The following CACNA1E variants were observed in gnomAD, a reference collection of about 807,000 sequenced individuals.
CACNA1E encodes calcium voltage-gated channel subunit alpha1 E, also known as voltage-dependent R-type calcium channel subunit alpha-1E.
Under a neutral mutation model 259.2 loss-of-function variants are expected in CACNA1E, and 40 were observed. The observed-to-expected ratio is 0.15, with a 90% confidence interval of 0.12 to 0.20. The LOEUF (loss-of-function observed/expected upper bound fraction) is 0.20, where lower values mean the gene tolerates loss of function less well. CACNA1E is among the 10% of genes least tolerant of loss of function. The probability of loss-of-function intolerance (pLI) is 1.00; values close to 1 mark genes in which losing one functional copy is unlikely to be tolerated. For missense variants in CACNA1E, 1,874 were observed against 3,040.1 expected (o/e 0.62, Z 9.02); for synonymous variants, 1,104 against 1,138.5 (o/e 0.97, Z 0.61).
chr1:181,751,176 A>G (rs2102658769), intron 26 of CACNA1E, among the ~76,000 whole-genome samples: 1 of 152,386 alleles, frequency 6.6e-6, no homozygotes, highest in East Asian at 1.9e-4. Flanking sequence ...TGTTTTATAA[A>G]TGACAACTAT....
intron 2 of CACNA1E, among the ~76,000 whole-genome samples, chr1:181,475,272 C>T (rs1395173837): frequency 3.3e-5 from 5 of 152,140 alleles, no homozygotes; most frequent in African/African-American, 1.2e-4. Flanking sequence ...AAGCTTACAC[C>T]ATAGTTGAGG....
intron 2 of CACNA1E, among the ~76,000 whole-genome samples, chr1:181,456,167 A>T (rs1473244504): frequency 6.6e-6 from 1 of 152,178 alleles, no homozygotes; most frequent in African/African-American, 2.4e-5. Context: ...GAGAGACTGC[A>T]TCATTGCTGA....
At position 181,798,556 on chromosome 1, in the gene CACNA1E, G is replaced by T. The variant is rs369634310; in HGVS notation, c.6664G>T (p.Ala2222Ser). Residue 2222 changes from alanine to serine, a missense_variant, in exon 48 of 48, where the codon GCC (alanine) becomes TCC (serine). This residue lies in a region of CACNA1E where 542 missense variants were observed against 587.2 expected (regional missense o/e 0.92). Coordinates refer to ENST00000367573, the MANE Select transcript of CACNA1E (RefSeq NM_001205293.3). This position sits in a 1 kb window ranked among gnomAD's most constrained non-coding sequence, Gnocchi z 4.2. ...NSPHPQQSQHASPQRYISEPY... is the reference protein window; with the variant it reads ...NSPHPQQSQHSSPQRYISEPY... ...TCCGCACCCCCAGCAGAGCCAACATGCCTCCCCACAGCGCTACATCTCCGA... is the reference window on the plus strand; with the variant it reads ...TCCGCACCCCCAGCAGAGCCAACATTCCTCCCCACAGCGCTACATCTCCGA... The T allele has an allele frequency of 3.7e-6, 6 of 1,613,646 alleles. No homozygotes were observed. The African/African-American group carries it at 8.0e-5, about 22-fold the overall frequency.
At position 181,733,123 on chromosome 1, in the gene CACNA1E, TCTC is replaced by T. The variant is rs1655673851; in HGVS notation, c.2948+92_2948+94del. 24 of 1,428,444 alleles carry T rather than the reference TCTC, an allele frequency of 1.7e-5. No individual in the cohort carries two copies. The South Asian group carries it at 2.1e-4, about 13-fold the overall frequency. The allele number at this position is 1,428,444 out of a possible 1,614,324, so 88.5% of individuals were successfully genotyped here. A position where few individuals can be genotyped will look rare whatever the true frequency, so the allele number is the denominator to read the frequency against. Reference sequence around the variant, plus strand: ...TAAGCCTTTCTGAGCTCCAGTTTCTTCTCCTATTATAAAATGGAAATGATGCTG... The same window carrying T: ...TAAGCCTTTCTGAGCTCCAGTTTCTTCTATTATAAAATGGAAATGATGCTG... On this transcript the variant is annotated intron_variant, in intron 20 of 47. Transcript: ENST00000367573.
chr1:181,326,066 A>G (rs754237078), intron 1 of CACNA1E, among the ~76,000 whole-genome samples: 4 of 152,234 alleles, frequency 2.6e-5, no homozygotes, highest in African/African-American at 4.8e-5. Flanking sequence ...GTCCACACCC[A>G]GGCCGCTGCC....
intron 1 of CACNA1E, among the ~76,000 whole-genome samples, chr1:181,502,068 G>A (rs1325763546): frequency 6.6e-6 from 1 of 152,084 alleles, no homozygotes; most frequent in Non-Finnish European, 1.5e-5. Context: ...TGTTGACAGT[G>A]CATGTCTCCT....
intron 2 of CACNA1E, among the ~76,000 whole-genome samples, chr1:181,431,956 T>C (rs1173032377): frequency 1.3e-5 from 2 of 152,174 alleles, no homozygotes; most frequent in Non-Finnish European, 2.9e-5. Context: ...GGGGCACTTC[T>C]CTGATGTCAA....
intron 2 of CACNA1E, among the ~76,000 whole-genome samples, chr1:181,435,236 A>C (rs1263375912): frequency 6.6e-6 from 1 of 152,228 alleles, no homozygotes; most frequent in Non-Finnish European, 1.5e-5. Context: ...TAGGTTTTAA[A>C]AAATTCTCTT....
intron 34 of CACNA1E, 21 bp downstream of exon 34, chr1:181,763,552 C>T (rs751094571): frequency 1.3e-6 from 2 of 1,540,780 alleles, no homozygotes; most frequent in Admixed American, 1.8e-5. Flanking sequence ...CCAGCAAATC[C>T]TCTCTGAGGG....
At chr1:181,618,419 G>T (rs1263446099) in intron 6 of CACNA1E, among the ~76,000 whole-genome samples, 1 of 152,186 alleles carries the variant, frequency 6.6e-6, no homozygotes, top group Non-Finnish European at 1.5e-5. Context: ...TACAAAATTA[G>T]CTGGGCATGG....
At chr1:181,616,743 A>G (rs1240228591) in intron 6 of CACNA1E, among the ~76,000 whole-genome samples, 1 of 152,120 alleles carries the variant, frequency 6.6e-6, no homozygotes, top group Non-Finnish European at 1.5e-5. Context: ...ACAAACAAAA[A>G]AAAAGGAGGT....
chr1:181,318,231 C>G (rs976744712), intron 1 of CACNA1E: 12 of 152,154 alleles, frequency 7.9e-5, no homozygotes, highest in African/African-American at 2.7e-4. Flanking sequence ...CTGGCCCCCG[C>G]GCTTCTACGT....
chr1:181,444,040 C>T (rs920209534), intron 2 of CACNA1E, among the ~76,000 whole-genome samples: 1 of 152,212 alleles, frequency 6.6e-6, no homozygotes, highest in Admixed American at 6.5e-5. Context: ...CATCTCTGTT[C>T]TTCCTAATGC....
At chr1:181,501,661 A>G (rs1240523000) in intron 1 of CACNA1E, among the ~76,000 whole-genome samples, 1 of 152,114 alleles carries the variant, frequency 6.6e-6, no homozygotes, top group Non-Finnish European at 1.5e-5. Flanking sequence ...TCTTTCATTC[A>G]TTAGGTTTTT....
At chr1:181,548,129 C>CTTTTTTTTCTTTTTTTTT (rs537628921) in intron 3 of CACNA1E, among the ~76,000 whole-genome samples, 1 of 133,404 alleles carries the variant, frequency 7.5e-6, no homozygotes, top group Non-Finnish European at 1.5e-5. Flanking sequence ...CTTTTTTTTT[C>CTTTTTTTTCTTTTTTTTT]TTTTTTTTTT....
chr1:181,332,996 G>A (rs1057504461), intron 1 of CACNA1E, among the ~76,000 whole-genome samples: 1 of 152,174 alleles, frequency 6.6e-6, no homozygotes, highest in African/African-American at 2.4e-5. Flanking sequence ...CCTAGGGCTT[G>A]CCCTCATGGA....
chr1:181,619,888 G>A (rs11576715), intron 6 of CACNA1E, among the ~76,000 whole-genome samples: 9,102 of 152,160 alleles, frequency 0.06, 344 homozygotes, highest in South Asian at 0.15. Context: ...GTGTTTTATT[G>A]GGGAGGGGGG....
intron 3 of CACNA1E, 137 bp from the exon 4 acceptor site, chr1:181,577,629 C>T (rs1651103167): frequency 3.8e-6 from 2 of 529,448 alleles, no homozygotes; most frequent in Non-Finnish European, 6.8e-6. Flanking sequence ...TTCACCCAAG[C>T]TCAGGTGCAC....
intron 3 of CACNA1E, among the ~76,000 whole-genome samples, chr1:181,560,062 T>C (rs1649158806): frequency 6.6e-6 from 1 of 152,118 alleles, no homozygotes; most frequent in Non-Finnish European, 1.5e-5. Context: ...CCTTTAGTCA[T>C]ATTTGAAGTT....
Sources: allele counts gnomAD v4.1 joint callset (sites outside exome capture counted in the v4.1 genomes callset), GRCh38; gene constraint gnomAD v4.1.1; regional missense constraint gnomAD v4.1.1; non-coding constraint Gnocchi (gnomAD v3.1); transcripts MANE v1.5; gene names NCBI Gene and HGNC (gene_info 2026-07-23, HGNC 2026-07-21).